OR2L13: variants seen among roughly 807,000 people sequenced by gnomAD.
OR2L13 encodes the protein olfactory receptor 2L13.
In OR2L13, 14 loss-of-function variants were observed where a neutral mutation model predicts 15.3. The observed-to-expected ratio is 0.91, with a 90% CI of 0.60 to 1.43. OR2L13 has a LOEUF of 1.43. Ranked by LOEUF, OR2L13 falls within the 40% of genes most tolerant of loss-of-function variation. The pLI is 0.00. For missense variants in OR2L13, 367 were observed against 387.9 expected, an observed-to-expected ratio of 0.95 and a Z score of 0.45; for synonymous variants, 152 against 142.9, an observed-to-expected ratio of 1.06 and a Z score of -0.45.
the OR2L13 span, among the ~76,000 whole-genome samples, chr1:247,993,751 CAGAGAGAGGGGG>C: frequency 3.8e-5 from 2 of 52,082 alleles, no homozygotes; most frequent in African/African-American, 6.4e-5. Context: ...TGGAAAGAGA[CAGAGAGAGGGGG>C]AGAGAGAGAG....
chr1:248,100,267 G>C (rs1664831363), exon 3 of OR2L13: 4 of 1,612,748 alleles, frequency 2.5e-6, no homozygotes, highest in African/African-American at 1.3e-5. Context: ...GGAAGTCCTG[G>C]GGGCTATGAG....
the OR2L13 span, among the ~76,000 whole-genome samples, chr1:247,962,944 T>C: frequency 1.3e-5 from 2 of 152,156 alleles, no homozygotes; most frequent in East Asian, 3.9e-4. Flanking sequence ...ACACAATAAA[T>C]TGAAGAAATA....
the OR2L13 span, chr1:247,966,192 G>A: frequency 1.2e-6 from 2 of 1,613,884 alleles, no homozygotes; most frequent in African/African-American, 2.7e-5. Context: ...CACGGGATAA[G>A]GCGGTGGCAG....
At chr1:248,051,016 G>A in the OR2L13 span, among the ~76,000 whole-genome samples, 2 of 152,074 alleles carry the variant, frequency 1.3e-5, no homozygotes, top group African/African-American at 2.4e-5. Flanking sequence ...ATACTTAAGA[G>A]GAACACCATT....
At chr1:248,003,538 CAA>C in the OR2L13 span, 8 of 1,612,468 alleles carry the variant, frequency 5.0e-6, no homozygotes, top group South Asian at 4.4e-5. Flanking sequence ...TCCGCATGAG[CAA>C]AAGAGTGTGT....
chr1:248,075,984 C>G, the OR2L13 span, among the ~76,000 whole-genome samples: 1 of 152,096 alleles, frequency 6.6e-6, no homozygotes, highest in Non-Finnish European at 1.5e-5. Context: ...GGTTTTAGGT[C>G]TAACATTTAA....
the OR2L13 span, among the ~76,000 whole-genome samples, chr1:248,054,921 A>G: frequency 6.6e-6 from 1 of 152,044 alleles, no homozygotes; most frequent in Admixed American, 6.6e-5. Context: ...CTATTTGCAT[A>G]CCCTTTCTTT....
chr1:248,024,617 C>T, the OR2L13 span, among the ~76,000 whole-genome samples: 76 of 152,108 alleles, frequency 5.0e-4, no homozygotes, highest in Non-Finnish European at 1.0e-3. Flanking sequence ...TTTCAGCTTT[C>T]TACATATGGC....
At chr1:248,022,640 A>G in the OR2L13 span, 1 of 1,614,118 alleles carries the variant, frequency 6.2e-7, no homozygotes, top group South Asian at 1.1e-5. Context: ...ACTCTGCAGA[A>G]GGGAGGAAAA....
chr1:248,084,192 C>G, the OR2L13 span: 1 of 1,611,750 alleles, frequency 6.2e-7, no homozygotes, highest in Non-Finnish European at 8.5e-7. Context: ...CAGCTGCCAG[C>G]TCATGAGAGT....
the OR2L13 span, among the ~76,000 whole-genome samples, chr1:248,012,041 A>G: frequency 6.6e-6 from 1 of 152,228 alleles, no homozygotes; most frequent in Non-Finnish European, 1.5e-5. Flanking sequence ...ATTTAAAAAT[A>G]TAAACCAAAC....
the OR2L13 span, among the ~76,000 whole-genome samples, chr1:248,017,382 G>A: frequency 6.6e-6 from 1 of 152,102 alleles, no homozygotes; most frequent in Non-Finnish European, 1.5e-5. Flanking sequence ...ATGTTATATG[G>A]TAGAATTAGA....
chr1:248,038,773 A>C, the OR2L13 span: 1 of 1,614,158 alleles, frequency 6.2e-7, no homozygotes, highest in South Asian at 1.1e-5. Context: ...CCATATTGCA[A>C]GTCCAGAGCC....
At chr1:247,991,353 T>C in the OR2L13 span, 1 of 583,280 alleles carries the variant, frequency 1.7e-6, no homozygotes, top group South Asian at 2.4e-5. Context: ...GGCATTTCAA[T>C]TGCATATTCT....
At chr1:248,008,182 G>A in the OR2L13 span, among the ~76,000 whole-genome samples, 1 of 152,130 alleles carries the variant, frequency 6.6e-6, no homozygotes, top group Non-Finnish European at 1.5e-5. Context: ...GAAGAATGCA[G>A]TTGACCTGAA....
At chr1:247,940,060 A>G in the OR2L13 span, among the ~76,000 whole-genome samples, 2 of 152,188 alleles carry the variant, frequency 1.3e-5, no homozygotes, top group Non-Finnish European at 2.9e-5. Flanking sequence ...TCCACTTGAA[A>G]TTACCATTAT....
At chr1:247,945,557 T>A in the OR2L13 span, among the ~76,000 whole-genome samples, 1 of 152,182 alleles carries the variant, frequency 6.6e-6, no homozygotes, top group African/African-American at 2.4e-5. Context: ...AATATCTTTG[T>A]TAATTCTCTG....
chr1:248,081,583 A>G, the OR2L13 span, among the ~76,000 whole-genome samples: 10 of 152,080 alleles, frequency 6.6e-5, no homozygotes. Context: ...TACTTGTGTA[A>G]TTTTCATTCA....
the OR2L13 span, among the ~76,000 whole-genome samples, chr1:247,945,974 G>A: frequency 3.3e-5 from 5 of 152,180 alleles, no homozygotes; most frequent in East Asian, 3.9e-4. Context: ...ATTAGCCTTC[G>A]ATAAATAAAT....
Sources: allele counts gnomAD v4.1 joint callset (sites outside exome capture counted in the v4.1 genomes callset), GRCh38; gene constraint gnomAD v4.1.1; transcripts MANE v1.5; gene names NCBI Gene and HGNC (gene_info 2026-07-23, HGNC 2026-07-21).